The following FER1L5 variants were observed in gnomAD, a reference collection of about 807,000 sequenced individuals.
FER1L5 encodes fer-1 like family member 5.
A neutral mutation model predicts 279.9 loss-of-function variants in FER1L5; 187 were observed. The observed-to-expected ratio is 0.67, with a 90% confidence interval of 0.59 to 0.75. The LOEUF (loss-of-function observed/expected upper bound fraction) is 0.75. Among genes scored for constraint, FER1L5 ranks in the 30% least tolerant of loss-of-function variants. The pLI is 0.00. For synonymous variants in FER1L5, 921 were observed against 989.7 expected, an observed-to-expected ratio of 0.93 and a Z score of 1.30; for missense variants, 2,091 against 2,594.4, an observed-to-expected ratio of 0.81 and a Z score of 4.21.
intron 7 of FER1L5, 189 bp from the exon 8 acceptor site, chr2:96,653,451 G>A (rs1283633458): frequency 1.7e-6 from 1 of 593,734 alleles, no homozygotes; most frequent in African/African-American, 1.9e-5. Flanking sequence ...CACTCAGAAA[G>A]TTTCAGATTT....
chr2:96,693,481 G>A, intron 31 of FER1L5, 25 bp from the exon 32 acceptor site: 2 of 1,541,624 alleles, frequency 1.3e-6, no homozygotes, highest in Middle Eastern at 1.7e-4. Flanking sequence ...TCAAGACACT[G>A]CTACCTTCTC....
At chr2:96,656,952 T>C (rs2075622666) in intron 9 of FER1L5, among the ~76,000 whole-genome samples, 1 of 151,942 alleles carries the variant, frequency 6.6e-6, no homozygotes, top group Non-Finnish European at 1.5e-5. Context: ...ACAGAATGTC[T>C]GCTGGTCTCT....
At chr2:96,651,443 C>A (rs2075377233) in intron 6 of FER1L5, among the ~76,000 whole-genome samples, 1 of 147,374 alleles carries the variant, frequency 6.8e-6, no homozygotes, top group South Asian at 2.1e-4. Context: ...TCCCTCCCTT[C>A]TTTCTTTCTT....
rs373626756 is a variant in FER1L5 at position 96,685,942 on chromosome 2, G to C, written c.1898G>C (p.Arg633Pro). 1 of 1,534,146 alleles carries C rather than the reference G, an allele frequency of 6.5e-7. No individual in the cohort carries two copies. The highest frequency in any genetic ancestry group is 8.8e-7 in the Non-Finnish European group (1 of 1,138,758). ...LLRELAEDCK[R>P]PLPCMTYQPK... ...CTGCTACCCTGTCCTGGCCACAGGCGCCCTCTGCCCTGCATGACCTATCAG... is the reference window on the plus strand; with the variant it reads ...CTGCTACCCTGTCCTGGCCACAGGCCCCCTCTGCCCTGCATGACCTATCAG... The change falls in exon 22 of 53, where the codon CGC becomes CCC. Residue 633 changes from arginine (R) to proline (P), a missense_variant and splice_region_variant. Transcript: ENST00000624922.
At chr2:96,664,564 A>G (rs1389773281) in intron 14 of FER1L5, among the ~76,000 whole-genome samples, 1 of 152,170 alleles carries the variant, frequency 6.6e-6, no homozygotes, top group Non-Finnish European at 1.5e-5. Flanking sequence ...CATTGTATGG[A>G]TGTACCACAG....
chr2:96,683,492 T>A (rs546575327), intron 19 of FER1L5, among the ~76,000 whole-genome samples: 2 of 151,910 alleles, frequency 1.3e-5, no homozygotes, highest in South Asian at 4.2e-4. Flanking sequence ...ACATTACATC[T>A]GCAAAGCCCC....
chr2:96,687,994 G>A, intron 24 of FER1L5, 47 bp downstream of exon 24: 2 of 1,546,594 alleles, frequency 1.3e-6, no homozygotes, highest in Non-Finnish European at 1.7e-6. Context: ...ACGCGGGGGT[G>A]GGGGTAGGGT....
rs1164771761 is a variant in FER1L5 at position 96,694,843 on chromosome 2, C to T, written c.3741+379C>T. 6.0e-6 allele frequency: 1 copy of T among 165,728 alleles called. No individual in the cohort carries two copies. The highest frequency in any genetic ancestry group is 2.4e-5 in the African/African-American group (1 of 42,044). 10.3% of individuals were successfully genotyped at this position (165,728 alleles called of 1,614,324 possible). Reference sequence around the variant, plus strand: ...GCCATTTAGGCCCAGCCCTGTCTGACTGCAGATGCCAGGATGTTGCTCACC... The same window carrying T: ...GCCATTTAGGCCCAGCCCTGTCTGATTGCAGATGCCAGGATGTTGCTCACC... On this transcript the variant is annotated intron_variant, in intron 34 of 52. Coordinates refer to ENST00000624922, the MANE Select transcript of FER1L5 (RefSeq NM_001293083.2). The surrounding 1 kb of genome is among the most constrained non-coding windows in gnomAD (Gnocchi z 4.6).
At chr2:96,643,020 T>A in intron 1 of FER1L5, 99 bp downstream of exon 1, 1 of 1,006,138 alleles carries the variant, frequency 9.9e-7, no homozygotes, top group Non-Finnish European at 1.4e-6. Context: ...ACATAAAAGA[T>A]GCCCTGTGTA....
chr2:96,655,863 C>T (rs976872810), intron 9 of FER1L5, among the ~76,000 whole-genome samples: 4 of 151,940 alleles, frequency 2.6e-5, no homozygotes, highest in African/African-American at 9.7e-5. Context: ...GTGTGCACCA[C>T]TGCACCTGGC....
intron 9 of FER1L5, among the ~76,000 whole-genome samples, chr2:96,659,288 GCTTTCCTTCCTTCCTTCCTTCCTTCCTT>G (rs2075731660): frequency 1.0e-5 from 1 of 100,088 alleles, no homozygotes; most frequent in Non-Finnish European, 2.1e-5. Flanking sequence ...AATTTATCAA[GCTTTCCTTCCTTCCTTCCTTCCTTCCTT>G]CCTTCCTTCC....
chr2:96,681,475 T>G (rs992595248), intron 19 of FER1L5, among the ~76,000 whole-genome samples: 1 of 152,224 alleles, frequency 6.6e-6, no homozygotes, highest in African/African-American at 2.4e-5. Flanking sequence ...TAGCCAGACC[T>G]CAGAGAATGC....
rs62156207 is a variant in FER1L5 at position 96,693,499 on chromosome 2, C to A, written c.3293-7C>A. On this transcript the variant is annotated splice_polypyrimidine_tract_variant and splice_region_variant and intron_variant, in intron 31 of 52. Transcript: ENST00000624922. ...AGACACTGCTACCTTCTCCTCTACC[C>A]CTCCAGGGCCCTTCATTCGGGTGGT... 0.072 allele frequency: 112,223 copies of A among 1,548,272 alleles called. 5,145 individuals are homozygous for A. The highest frequency in any genetic ancestry group is 0.21 in the African/African-American group (15,171 of 72,894).
intron 52 of FER1L5, 36 bp downstream of exon 52, chr2:96,704,398 T>C (rs1157698762): frequency 1.2e-6 from 2 of 1,612,910 alleles, no homozygotes; most frequent in Middle Eastern, 3.3e-4. Context: ...ACAAAGGTGG[T>C]CTCGGGATGA....
At position 96,656,013 on chromosome 2, in the gene FER1L5, G is replaced by A. The variant is rs116056812; in HGVS notation, c.747+1517G>A. Reference sequence around the variant, plus strand: ...AGGCGTGTGTCCACCACACCCAGCCGAGCTTATTTTTTTATTTCTTTTTAT... The same window carrying A: ...AGGCGTGTGTCCACCACACCCAGCCAAGCTTATTTTTTTATTTCTTTTTAT... On this transcript the variant is annotated intron_variant, in intron 9 of 52. Transcript: ENST00000624922. Among the ~76,000 whole-genome samples, 562 of 152,068 alleles carry A rather than the reference G, an allele frequency of 3.7e-3. 2 individuals are homozygous for A. Among genetic ancestry groups the A allele is most frequent in the African/African-American group, 0.013 (522 of 41,484 alleles).
rs1179219217 is a variant in FER1L5 at position 96,702,612 on chromosome 2, G to A, written c.5268G>A (p.Gly1756=). 6.3e-7 allele frequency: 1 copy of A among 1,577,360 alleles called. No homozygotes were observed. Among genetic ancestry groups the A allele is most frequent in the South Asian group, 1.2e-5 (1 of 86,194 alleles). The change falls in exon 48 of 53, where the codon GGG becomes GGA. Residue 1756 remains glycine (G), a synonymous_variant. Transcript: ENST00000624922. The surrounding 1 kb of genome is among the most constrained non-coding windows in gnomAD (Gnocchi z 4.0). ...ACTCTGGCCCCAGGTGGTTATACGGGCTGGAGAAGGACATGCAGAAGACAG... is the reference window on the plus strand; with the variant it reads ...ACTCTGGCCCCAGGTGGTTATACGGACTGGAGAAGGACATGCAGAAGACAG... ...SDIYIKGWLY[G]LEKDMQKTDI...
chr2:96,680,677 T>C (rs1250303399), intron 19 of FER1L5, among the ~76,000 whole-genome samples: 1 of 152,220 alleles, frequency 6.6e-6, no homozygotes. Context: ...TTTTTTAATT[T>C]CTTAAGTAAA....
chr2:96,696,392 G>A (rs754261744), intron 37 of FER1L5, among the ~76,000 whole-genome samples: 5 of 151,882 alleles, frequency 3.3e-5, no homozygotes, highest in African/African-American at 7.3e-5. Flanking sequence ...TCCCGGGTTC[G>A]AGAGGTTCTC....
Position 96,695,491 on chromosome 2 carries a change from C to T in FER1L5, c.3742-18C>T. ...CGCTGCCTGCCCCTTGTCCTGCCCT[C>T]CTTCTTTGTTCTGGTAGATCCTGGC... On this transcript the variant is annotated intron_variant, in intron 34 of 52. Coordinates refer to ENST00000624922, the MANE Select transcript of FER1L5 (RefSeq NM_001293083.2). The T allele has an allele frequency of 6.4e-7, 1 of 1,568,704 alleles. No individual in the cohort carries two copies. Among genetic ancestry groups the T allele is most frequent in the South Asian group, 1.2e-5 (1 of 84,388 alleles).
Sources: gnomAD v4.1 joint callset for allele counts (sites outside exome capture counted in the v4.1 genomes callset) on GRCh38, gnomAD v4.1.1 for gene constraint, Gnocchi (gnomAD v3.1) non-coding constraint, MANE v1.5 for transcripts, NCBI Gene and HGNC (gene_info 2026-07-23, HGNC 2026-07-21) for gene names.